ANKRD31: variants seen among roughly 807,000 people sequenced by gnomAD.
ANKRD31 encodes the protein ankyrin repeat domain 31, also known as ankyrin repeat domain-containing protein 31.
A neutral mutation model predicts 186.0 loss-of-function variants in ANKRD31; 147 were observed. The ratio of observed to expected loss-of-function variants is 0.79; its 90% CI spans 0.69 to 0.91. ANKRD31 has a LOEUF of 0.91. Among genes scored for constraint, ANKRD31 ranks in the 40% least tolerant of loss-of-function variants. The pLI is 0.00. For synonymous variants in ANKRD31, 673 were observed against 736.4 expected (o/e 0.91, Z 1.39); for missense variants, 1,986 against 2,148.8 (o/e 0.92, Z 1.50).
At position 75,084,380 on chromosome 5, in the gene ANKRD31, C is replaced by T; in HGVS notation, c.5473-6G>A. On this transcript the variant is annotated splice_region_variant and splice_polypyrimidine_tract_variant and intron_variant, in intron 23 of 25. Transcript: ENST00000506364. ...TCCTTCCCAAGATACGTTACCTGCA[C>T]ATAATTAAGCACAAAATTTATAAAT... 3 of 1,515,892 alleles carry T rather than the reference C, an allele frequency of 2.0e-6. No individual in the cohort carries two copies. The highest frequency in any genetic ancestry group is 2.7e-6 in the Non-Finnish European group (3 of 1,127,520). 93.9% of individuals were successfully genotyped at this position (1,515,892 alleles called of 1,614,324 possible). A position where few individuals can be genotyped will look rare whatever the true frequency, so the allele number is the denominator to read the frequency against.
chr5:75,077,905 C>T (rs537704108), intron 25 of ANKRD31, among the ~76,000 whole-genome samples: 16 of 132,726 alleles, frequency 1.2e-4, no homozygotes, highest in South Asian at 1.2e-3. Context: ...GCACTCTGGC[C>T]TGGGCGAAAG....
intron 21 of ANKRD31, among the ~76,000 whole-genome samples, chr5:75,106,453 G>A (rs1747337435): frequency 6.6e-6 from 1 of 152,032 alleles, no homozygotes; most frequent in African/African-American, 2.4e-5. Context: ...CAAGAAGAAG[G>A]ATTCATATTA....
At chr5:75,158,544 G>A (rs1752352388) in intron 11 of ANKRD31, among the ~76,000 whole-genome samples, 1 of 152,144 alleles carries the variant, frequency 6.6e-6, no homozygotes, top group Non-Finnish European at 1.5e-5. Flanking sequence ...GGGAGGCCAA[G>A]GCAGGAAGAT....
chr5:75,199,015 A>G (rs1453048681), intron 6 of ANKRD31, among the ~76,000 whole-genome samples: 1 of 152,168 alleles, frequency 6.6e-6, no homozygotes, highest in Non-Finnish European at 1.5e-5. Flanking sequence ...AACCTGGGTG[A>G]GATGCCAAGA....
intron 15 of ANKRD31, among the ~76,000 whole-genome samples, chr5:75,139,482 T>C (rs1398279373): frequency 6.6e-6 from 1 of 152,158 alleles, no homozygotes; most frequent in Non-Finnish European, 1.5e-5. Context: ...ATCTCTTCCT[T>C]GCAATACAAG....
intron 14 of ANKRD31, 80 bp downstream of exon 14, chr5:75,145,907 A>G: frequency 1.6e-6 from 2 of 1,242,640 alleles, no homozygotes; most frequent in African/African-American, 3.0e-5. Context: ...CCATCGTTTG[A>G]ATACAATTCA....
chr5:75,080,534 G>A, intron 25 of ANKRD31, 34 bp downstream of exon 25: 3 of 1,408,198 alleles, frequency 2.1e-6, no homozygotes, highest in Non-Finnish European at 2.9e-6. Flanking sequence ...ACTTATAAAA[G>A]TAAATGGAAT....
intron 22 of ANKRD31, among the ~76,000 whole-genome samples, chr5:75,098,594 T>G (rs948272841): frequency 2.6e-5 from 4 of 152,188 alleles, no homozygotes; most frequent in African/African-American, 7.2e-5. Context: ...GTTTGTGTCC[T>G]CTTTTATTTC....
chr5:75,148,247 G>A (rs1048144585), intron 13 of ANKRD31, among the ~76,000 whole-genome samples: 5 of 151,832 alleles, frequency 3.3e-5, no homozygotes, highest in Non-Finnish European at 2.9e-5. Flanking sequence ...AACTGCCCAC[G>A]ATGTAAAGTT....
At chr5:75,128,276 G>A (rs1240388271) in intron 17 of ANKRD31, among the ~76,000 whole-genome samples, 1 of 150,726 alleles carries the variant, frequency 6.6e-6, no homozygotes, top group Non-Finnish European at 1.5e-5. Flanking sequence ...GGGACTAGGG[G>A]AGGGATAGCA....
chr5:75,126,695 A>G (rs1282858182), intron 17 of ANKRD31, among the ~76,000 whole-genome samples: 1 of 152,214 alleles, frequency 6.6e-6, no homozygotes, highest in East Asian at 1.9e-4. Context: ...ATTTTGCACG[A>G]AAGGGATAGA....
chr5:75,196,234 G>C, intron 6 of ANKRD31, 34 bp from the exon 7 acceptor site: 2 of 1,365,926 alleles, frequency 1.5e-6, no homozygotes, highest in Non-Finnish European at 1.9e-6. Context: ...CATCATTACA[G>C]CATATACAAT....
chr5:75,144,747 G>T lies in ANKRD31; in HGVS notation c.3425-576C>A, dbSNP rs1561472929. Among the ~76,000 whole-genome samples, 5 of 152,194 alleles carry T rather than the reference G, an allele frequency of 3.3e-5. No homozygotes were observed. In the South Asian group the frequency reaches 1.0e-3, roughly 32 times the overall value. On this transcript the variant is annotated intron_variant, in intron 14 of 25. Coordinates refer to ENST00000506364, the MANE Select transcript of ANKRD31 (RefSeq NM_001372053.1). Reference sequence around the variant, plus strand: ...AACAAAAGCCAAAATTGATAAATGGGATCTAATTAAACTAAAGAGCTTCTG... The same window carrying T: ...AACAAAAGCCAAAATTGATAAATGGTATCTAATTAAACTAAAGAGCTTCTG...
chr5:75,118,611 G>A (rs532917081), intron 17 of ANKRD31, among the ~76,000 whole-genome samples: 6 of 152,278 alleles, frequency 3.9e-5, no homozygotes, highest in East Asian at 1.9e-4. Context: ...ATAATAAAAT[G>A]TTCTATATCT....
intron 20 of ANKRD31, among the ~76,000 whole-genome samples, chr5:75,110,937 C>T (rs1389065250): frequency 6.6e-6 from 1 of 150,790 alleles, no homozygotes; most frequent in Non-Finnish European, 1.5e-5. Context: ...ATTTAAAATG[C>T]TTATATAATT....
chr5:75,145,065 G>T (rs190289545), intron 14 of ANKRD31, among the ~76,000 whole-genome samples: 38 of 152,138 alleles, frequency 2.5e-4, no homozygotes, highest in African/African-American at 7.9e-4. Flanking sequence ...TTAGAATGGC[G>T]ATCATTAAAA....
chr5:75,234,530 A>G (rs1427582735), intron 1 of ANKRD31, among the ~76,000 whole-genome samples: 2 of 152,240 alleles, frequency 1.3e-5, no homozygotes, highest in African/African-American at 2.4e-5. Context: ...CCAGTCTCCA[A>G]AACAAACAAT....
chr5:75,132,353 G>A (rs1260717984), intron 17 of ANKRD31, among the ~76,000 whole-genome samples: 1 of 152,164 alleles, frequency 6.6e-6, no homozygotes, highest in Admixed American at 6.5e-5. Context: ...ACCATGGCAC[G>A]AGAATTATGT....
intron 10 of ANKRD31, among the ~76,000 whole-genome samples, chr5:75,170,338 A>G (rs1439055614): frequency 6.6e-6 from 1 of 152,160 alleles, no homozygotes; most frequent in Admixed American, 6.5e-5. Flanking sequence ...GAAACAAAAT[A>G]CAGATTAAGC....
Sources: allele counts gnomAD v4.1 joint callset (sites outside exome capture counted in the v4.1 genomes callset), GRCh38; gene constraint gnomAD v4.1.1; transcripts MANE v1.5; gene names NCBI Gene and HGNC (gene_info 2026-07-23, HGNC 2026-07-21).